ZNF679: variants seen among roughly 807,000 people sequenced by gnomAD.
ZNF679 encodes zinc finger protein 679.
ZNF679 carries 10 observed loss-of-function variants against 13.4 expected under a neutral mutation model. The observed-to-expected ratio is 0.75, with a 90% CI of 0.46 to 1.27. ZNF679 has a LOEUF of 1.27. ZNF679 is among the 50% of genes most tolerant of loss of function. The pLI, the probability that ZNF679 is intolerant of heterozygous loss-of-function variation, is 0.00. For missense variants in ZNF679, 525 were observed against 477.8 expected (o/e 1.10, Z -0.92); for synonymous variants, 179 against 162.5 (o/e 1.10, Z -0.77).
Position 64,266,179 on chromosome 7 carries a change from A to G in ZNF679, c.546A>G (p.Lys182=), listed in dbSNP as rs1419903396. The change falls in exon 5 of 5, where the codon AAA becomes AAG. Residue 182 remains lysine (K), a synonymous_variant. Coordinates refer to ENST00000421025, the MANE Select transcript of ZNF679 (RefSeq NM_153363.3). ...ATAAGACAAGACATACTGGAAAGAA[A>G]CATTTCAAATGTAAAAAATATGGCA... ...NRHKTRHTGK[K]HFKCKKYGKS... The G allele has an allele frequency of 3.8e-6, 6 of 1,594,808 alleles. No individual in the cohort carries two copies. In the African/African-American group the frequency reaches 8.1e-5, roughly 21 times the overall value.
chr7:64,233,569 A>G (rs1486698564), intron 1 of ZNF679, among the ~76,000 whole-genome samples: 1 of 152,108 alleles, frequency 6.6e-6, no homozygotes, highest in African/African-American at 2.4e-5. Flanking sequence ...TCACCCTTTC[A>G]GGTCTTTGCT....
intron 2 of ZNF679, among the ~76,000 whole-genome samples, chr7:64,257,888 C>G (rs564966006): frequency 5.3e-4 from 80 of 152,278 alleles, no homozygotes; most frequent in Middle Eastern, 6.8e-3. Flanking sequence ...GTTGAAAAAG[C>G]CCATTCCTGG....
chr7:64,245,050 G>A (rs1042560484), intron 1 of ZNF679, among the ~76,000 whole-genome samples: 3 of 152,100 alleles, frequency 2.0e-5, no homozygotes, highest in African/African-American at 7.2e-5. Context: ...TTTTGAGATG[G>A]AGTCTTGCTC....
intron 3 of ZNF679, 86 bp from the exon 4 acceptor site, chr7:64,260,748 T>C (rs1283886511): frequency 3.2e-5 from 43 of 1,336,184 alleles, no homozygotes; most frequent in African/African-American, 4.5e-5. Flanking sequence ...AATTTTCTAT[T>C]ATATCCTCTT....
chr7:64,233,989 C>T (rs945761448), intron 1 of ZNF679, among the ~76,000 whole-genome samples: 5 of 152,036 alleles, frequency 3.3e-5, no homozygotes, highest in Admixed American at 6.6e-5. Flanking sequence ...GTGAGATGCT[C>T]GGTGCTACTG....
Position 64,249,402 on chromosome 7 carries a change from A to T in ZNF679, c.39+246A>T, listed in dbSNP as rs199791418. Among the ~76,000 whole-genome samples, 9 of 152,262 alleles carry T rather than the reference A, an allele frequency of 5.9e-5. No individual in the cohort carries two copies. The East Asian group carries it at 1.2e-3, about 20-fold the overall frequency. ...CCCTGGACTGGAGCCCTCTCTGGGC[A>T]GCTCTGCACTCCCAGCGCCTCATCT... On this transcript the variant is annotated intron_variant, in intron 2 of 4. Transcript: ENST00000421025.
At chr7:64,260,726 T>A in intron 3 of ZNF679, 108 bp from the exon 4 acceptor site, 1 of 1,192,122 alleles carries the variant, frequency 8.4e-7, no homozygotes, top group Non-Finnish European at 1.1e-6. Flanking sequence ...TGAATCAATA[T>A]TAATTTTCTA....
intron 4 of ZNF679, among the ~76,000 whole-genome samples, chr7:64,261,811 A>ATCT (rs1327622700): frequency 1.3e-5 from 2 of 148,972 alleles, no homozygotes; most frequent in South Asian, 2.1e-4. Context: ...CCATTTGTAT[A>ATCT]TCTTTTTTTA....
chr7:64,236,562 A>C (rs1584225116), intron 1 of ZNF679, among the ~76,000 whole-genome samples: 1 of 152,076 alleles, frequency 6.6e-6, no homozygotes, highest in African/African-American at 2.4e-5. Context: ...AGGTGGGTGG[A>C]TCACCTAAGG....
At chr7:64,239,855 C>T (rs1422776345) in intron 1 of ZNF679, among the ~76,000 whole-genome samples, 1 of 152,162 alleles carries the variant, frequency 6.6e-6, no homozygotes, top group Non-Finnish European at 1.5e-5. Context: ...TGTGATTCTC[C>T]TCTCTTGCCT....
At chr7:64,241,120 T>C (rs1477394345) in intron 1 of ZNF679, among the ~76,000 whole-genome samples, 3 of 152,216 alleles carry the variant, frequency 2.0e-5, no homozygotes, top group African/African-American at 7.2e-5. Context: ...TTTCCCTGTG[T>C]GCTGGGCTCT....
intron 1 of ZNF679, among the ~76,000 whole-genome samples, chr7:64,232,196 A>G (rs879593595): frequency 2.6e-5 from 4 of 152,150 alleles, no homozygotes; most frequent in Non-Finnish European, 5.9e-5. Context: ...GAGACTGAGA[A>G]CCTCAAGAGT....
chr7:64,261,063 T>G (rs1788070861), intron 4 of ZNF679, 134 bp downstream of exon 4: 2 of 934,820 alleles, frequency 2.1e-6, no homozygotes, highest in Non-Finnish European at 3.1e-6. Flanking sequence ...GTCATTTTTT[T>G]TTCTTTTGCT....
At chr7:64,253,788 G>A (rs1787970775) in intron 2 of ZNF679, among the ~76,000 whole-genome samples, 1 of 152,154 alleles carries the variant, frequency 6.6e-6, no homozygotes, top group Non-Finnish European at 1.5e-5. Flanking sequence ...ATCAGAGAAT[G>A]TTTTACCCTG....
chr7:64,265,085 G>A (rs780775560), intron 4 of ZNF679, among the ~76,000 whole-genome samples: 7 of 151,604 alleles, frequency 4.6e-5, no homozygotes, highest in Non-Finnish European at 7.4e-5. Context: ...TTTTGTAGTT[G>A]CTTTTTCAAA....
chr7:64,254,546 G>C (rs1562845463), intron 2 of ZNF679, among the ~76,000 whole-genome samples: 2 of 152,010 alleles, frequency 1.3e-5, no homozygotes, highest in South Asian at 2.1e-4. Flanking sequence ...TAGTAAACTG[G>C]CTAACATTAA....
chr7:64,243,973 C>T (rs966788678), intron 1 of ZNF679, among the ~76,000 whole-genome samples: 1 of 152,062 alleles, frequency 6.6e-6, no homozygotes, highest in Non-Finnish European at 1.5e-5. Context: ...ACTTTTGGGC[C>T]AGACACGGTG....
At chr7:64,242,684 A>G (rs569774698) in intron 1 of ZNF679, among the ~76,000 whole-genome samples, 65 of 152,296 alleles carry the variant, frequency 4.3e-4, no homozygotes, top group African/African-American at 1.4e-3. Context: ...TCACAACCTC[A>G]GTGTTGTGCT....
At chr7:64,259,860 G>A (rs1374169659) in intron 2 of ZNF679, among the ~76,000 whole-genome samples, 4 of 151,810 alleles carry the variant, frequency 2.6e-5, no homozygotes, top group East Asian at 1.9e-4. Flanking sequence ...CCCAGGAGGC[G>A]TAGGTTTCAG....
Sources: allele counts gnomAD v4.1 joint callset (sites outside exome capture counted in the v4.1 genomes callset), GRCh38; gene constraint gnomAD v4.1.1; transcripts MANE v1.5; gene names NCBI Gene and HGNC (gene_info 2026-07-23, HGNC 2026-07-21).